CHLSN: variants seen among roughly 807,000 people sequenced by gnomAD.
CHLSN encodes cholesin.
the CHLSN span, among the ~76,000 whole-genome samples, chr7:1,130,508 C>A: frequency 6.6e-6 from 1 of 152,142 alleles, no homozygotes; most frequent in African/African-American, 2.4e-5. Context: ...GCAGAAGAAG[C>A]CCTCACCTGA....
At chr7:1,054,695 A>G in the CHLSN span, among the ~76,000 whole-genome samples, 1 of 152,162 alleles carries the variant, frequency 6.6e-6, no homozygotes, top group Non-Finnish European at 1.5e-5. Context: ...GGCGGGCAAG[A>G]GGCTGGCCCC....
At chr7:1,109,256 G>T in the CHLSN span, 2 of 152,198 alleles carry the variant, frequency 1.3e-5, no homozygotes, top group Non-Finnish European at 2.9e-5. Flanking sequence ...CATATTGACA[G>T]AAGTTCCATA....
the CHLSN span, among the ~76,000 whole-genome samples, chr7:1,066,372 C>T: frequency 6.6e-6 from 1 of 152,358 alleles, no homozygotes; most frequent in East Asian, 1.9e-4. Context: ...AATTGGGGCC[C>T]ATCGTGGCCC....
At chr7:1,112,123 A>G in the CHLSN span, among the ~76,000 whole-genome samples, 1 of 152,366 alleles carries the variant, frequency 6.6e-6, no homozygotes, top group East Asian at 1.9e-4. Flanking sequence ...ATCTGGGCTG[A>G]TCACAGCAGC....
the CHLSN span, among the ~76,000 whole-genome samples, chr7:1,053,938 C>T: frequency 1.3e-5 from 2 of 152,242 alleles, no homozygotes; most frequent in South Asian, 2.1e-4. Flanking sequence ...GGAGGGCACT[C>T]CCAGGGACCC....
chr7:1,073,800 C>T, the CHLSN span, among the ~76,000 whole-genome samples: 1 of 106,760 alleles, frequency 9.4e-6, no homozygotes, highest in African/African-American at 3.8e-5. Flanking sequence ...TGCCGTCACG[C>T]TCCGTGACCC....
chr7:1,023,644 CA>C, the CHLSN span, among the ~76,000 whole-genome samples: 3 of 109,676 alleles, frequency 2.7e-5, no homozygotes, highest in African/African-American at 6.1e-5. This position sits in a 1 kb window ranked among gnomAD's most constrained non-coding sequence, Gnocchi z 5.0. Context: ...CACACACACA[CA>C]CACACACACA....
At chr7:1,100,314 G>A in the CHLSN span, among the ~76,000 whole-genome samples, 2 of 152,202 alleles carry the variant, frequency 1.3e-5, no homozygotes, top group East Asian at 1.9e-4. Flanking sequence ...GCTGGGTGCC[G>A]TGTTCAGGCC....
At chr7:1,093,139 C>T in the CHLSN span, 10 of 623,424 alleles carry the variant, frequency 1.6e-5, no homozygotes, top group South Asian at 1.4e-4. Context: ...CCAGCTCCTC[C>T]CCGCCAACCC....
At chr7:1,075,608 CTT>C in the CHLSN span, among the ~76,000 whole-genome samples, 78 of 136,312 alleles carry the variant, frequency 5.7e-4, no homozygotes, top group Non-Finnish European at 6.8e-4. Context: ...AATCGGGTCA[CTT>C]TTTTTTTTTT....
At chr7:1,120,061 C>A in the CHLSN span, among the ~76,000 whole-genome samples, 2 of 152,030 alleles carry the variant, frequency 1.3e-5, no homozygotes, top group African/African-American at 4.8e-5. Flanking sequence ...AAAAAACTGA[C>A]CTTACATCAA....
At chr7:1,072,571 T>G in the CHLSN span, among the ~76,000 whole-genome samples, 2 of 152,160 alleles carry the variant, frequency 1.3e-5, no homozygotes, top group African/African-American at 4.8e-5. Context: ...TGGGCTGAAG[T>G]TACTGCTTCC....
At chr7:990,475 C>T in the CHLSN span, among the ~76,000 whole-genome samples, 2 of 152,088 alleles carry the variant, frequency 1.3e-5, no homozygotes, top group South Asian at 2.1e-4. Context: ...GGCCCCTCAC[C>T]GAGAAGAGAG....
chr7:1,123,736 C>A, the CHLSN span, among the ~76,000 whole-genome samples: 1 of 152,156 alleles, frequency 6.6e-6, no homozygotes, highest in African/African-American at 2.4e-5. The surrounding 1 kb of genome is among the most constrained non-coding windows in gnomAD (Gnocchi z 4.4). Context: ...CCCCCACACT[C>A]CATCTGAAAA....
chr7:1,074,885 G>A, the CHLSN span: 4 of 152,628 alleles, frequency 2.6e-5, no homozygotes, highest in African/African-American at 7.2e-5. Flanking sequence ...AGAGCAGAGG[G>A]CAAGGTGGGC....
chr7:1,030,135 G>C, the CHLSN span, among the ~76,000 whole-genome samples: 746 of 152,294 alleles, frequency 4.9e-3, 8 homozygotes, highest in African/African-American at 0.017. Context: ...TGTGTCCCCA[G>C]CATGAATGCG....
chr7:1,058,076 C>T, the CHLSN span: 67 of 767,086 alleles, frequency 8.7e-5, no homozygotes, highest in Admixed American at 5.8e-4. Flanking sequence ...CAGAAGCTGC[C>T]GACGCCACGC....
the CHLSN span, among the ~76,000 whole-genome samples, chr7:1,038,205 T>G: frequency 1.1e-4 from 6 of 52,202 alleles, no homozygotes; most frequent in Admixed American, 2.0e-4. Flanking sequence ...GGGAGGGAGG[T>G]GGGGGGTCAG....
At chr7:1,064,284 C>A in the CHLSN span, among the ~76,000 whole-genome samples, 17 of 152,264 alleles carry the variant, frequency 1.1e-4, no homozygotes, top group Middle Eastern at 3.4e-3. Flanking sequence ...GGAGACCAGG[C>A]CCTTAGCAGC....
Sources: allele counts gnomAD v4.1 joint callset (sites outside exome capture counted in the v4.1 genomes callset), GRCh38; gene constraint gnomAD v4.1.1; non-coding constraint Gnocchi (gnomAD v3.1); transcripts MANE v1.5; gene names NCBI Gene and HGNC (gene_info 2026-07-23, HGNC 2026-07-21).